Variants in RUNDC3B observed in about 807,000 individuals in gnomAD.
RUNDC3B encodes RUN domain-containing protein 3B.
A neutral mutation model predicts 58.4 loss-of-function variants in RUNDC3B; 33 were observed. That is an observed-to-expected ratio of 0.56 (90% CI 0.43 to 0.75). The LOEUF is 0.75. RUNDC3B is among the 30% of genes least tolerant of loss of function. RUNDC3B has a pLI of 0.00. For missense variants in RUNDC3B, 501 were observed against 535.7 expected (o/e 0.94, Z 0.64); for synonymous variants, 193 against 195.2 (o/e 0.99, Z 0.10).
Position 87,703,914 on chromosome 7 carries a change from G to GTTTTTTTTTTTTTTTTTTTTT in RUNDC3B, c.372+3366_372+3386dup, listed in dbSNP as rs35797972. ...TTTTTTTTTTTTTTTTTTTTTTTTG[G>GTTTTTTTTTTTTTTTTTTTTT]TTTTTTTTTTTTTTTTTTTTTTTTT... On this transcript the variant is annotated intron_variant, in intron 3 of 10. Transcript: ENST00000394654. Among the ~76,000 whole-genome samples, 43 of 42,978 alleles carry GTTTTTTTTTTTTTTTTTTTTT rather than the reference G, an allele frequency of 1.0e-3. 1 individual carries two copies. The highest frequency in any genetic ancestry group is 1.6e-3 in the Admixed American group (4 of 2,580). 28.2% of individuals were successfully genotyped at this position (42,978 alleles called of 152,430 possible). A position where few individuals can be genotyped will look rare whatever the true frequency, so the allele number is the denominator to read the frequency against.
chr7:87,792,025 A>AT (rs1261483556), intron 8 of RUNDC3B, among the ~76,000 whole-genome samples: 1 of 152,110 alleles, frequency 6.6e-6, no homozygotes, highest in Non-Finnish European at 1.5e-5. Flanking sequence ...ATGGAAAGAG[A>AT]TAGTCCAAGC....
intron 8 of RUNDC3B, among the ~76,000 whole-genome samples, chr7:87,792,591 G>T (rs1000214709): frequency 1.3e-5 from 2 of 151,862 alleles, no homozygotes; most frequent in African/African-American, 2.4e-5. Context: ...CATGGAAATT[G>T]ATATACTCCT....
intron 10 of RUNDC3B, among the ~76,000 whole-genome samples, chr7:87,828,155 A>C (rs1210489925): frequency 6.6e-6 from 1 of 151,902 alleles, no homozygotes; most frequent in East Asian, 1.9e-4. Context: ...GGGAAATATA[A>C]GCTGAAATTA....
chr7:87,815,158 C>A (rs1179397787), intron 9 of RUNDC3B, among the ~76,000 whole-genome samples: 1 of 151,964 alleles, frequency 6.6e-6, no homozygotes, highest in Admixed American at 6.6e-5. Context: ...GCATTCAAAT[C>A]ACATTTAATA....
chr7:87,738,025 G>A (rs548846863), intron 4 of RUNDC3B, among the ~76,000 whole-genome samples: 1 of 152,156 alleles, frequency 6.6e-6, no homozygotes, highest in East Asian at 1.9e-4. Flanking sequence ...ATAGTTTTGA[G>A]CTGATTTTTA....
At chr7:87,757,953 G>C (rs1020418269) in intron 6 of RUNDC3B, among the ~76,000 whole-genome samples, 4 of 152,162 alleles carry the variant, frequency 2.6e-5, no homozygotes, top group African/African-American at 9.7e-5. Flanking sequence ...ATATTCGTAT[G>C]CAAAAGGATG....
At chr7:87,728,737 A>G (rs745711209) in intron 4 of RUNDC3B, among the ~76,000 whole-genome samples, 13 of 152,176 alleles carry the variant, frequency 8.5e-5, no homozygotes, top group South Asian at 6.2e-4. Context: ...TAGCATATTT[A>G]CAAGTCAGGG....
chr7:87,675,854 A>T (rs1585070472), intron 2 of RUNDC3B, among the ~76,000 whole-genome samples: 1 of 152,164 alleles, frequency 6.6e-6, no homozygotes, highest in Admixed American at 6.5e-5. Context: ...CTTGGCAAAG[A>T]TATTTTTGGA....
intron 1 of RUNDC3B, chr7:87,629,156 T>TACCTTCA: frequency 4.8e-6 from 2 of 414,702 alleles, no homozygotes; most frequent in Non-Finnish European, 8.4e-6. Flanking sequence ...TCAGTTCCAG[T>TACCTTCA]GCTGAAGGTA....
At position 87,683,099 on chromosome 7, in the gene RUNDC3B, T is replaced by G. The variant is rs187329344; in HGVS notation, c.239-17322T>G. Among the ~76,000 whole-genome samples, 307 of 152,318 alleles carry G rather than the reference T, an allele frequency of 2.0e-3. 1 individual carries two copies. Among genetic ancestry groups the G allele is most frequent in the African/African-American group, 6.5e-3 (271 of 41,568 alleles). On this transcript the variant is annotated intron_variant, in intron 2 of 10. Transcript: ENST00000394654. The stretch of plus-strand genomic sequence containing the variant: ...TACAGAGATGGCTTTTTTCTGAAAC[T>G]TCATGAACCAACCTCTGCTAGCTTC...
At chr7:87,772,380 G>A (rs1216027861) in intron 7 of RUNDC3B, among the ~76,000 whole-genome samples, 1 of 151,804 alleles carries the variant, frequency 6.6e-6, no homozygotes, top group African/African-American at 2.4e-5. Context: ...AGTCAGAGAT[G>A]CACAGTAGAA....
intron 2 of RUNDC3B, among the ~76,000 whole-genome samples, chr7:87,657,382 G>T (rs371351065): frequency 6.6e-6 from 1 of 152,078 alleles, no homozygotes; most frequent in Non-Finnish European, 1.5e-5. Flanking sequence ...CTTTTCAGCC[G>T]TATCTGCTCT....
chr7:87,691,391 A>G (rs1828000532), intron 2 of RUNDC3B, among the ~76,000 whole-genome samples: 2 of 152,146 alleles, frequency 1.3e-5, no homozygotes, highest in Admixed American at 1.3e-4. Flanking sequence ...ACTATATGGT[A>G]TAATTATACT....
At chr7:87,730,358 G>T (rs1364558582) in intron 4 of RUNDC3B, among the ~76,000 whole-genome samples, 1 of 152,086 alleles carries the variant, frequency 6.6e-6, no homozygotes, top group Non-Finnish European at 1.5e-5. Context: ...CTGCTGACCT[G>T]AAGAGAGAGA....
At chr7:87,663,916 A>G (rs1824963642) in intron 2 of RUNDC3B, among the ~76,000 whole-genome samples, 1 of 152,248 alleles carries the variant, frequency 6.6e-6, no homozygotes, top group African/African-American at 2.4e-5. Context: ...GACTCTTTGT[A>G]TGATCCTACT....
intron 1 of RUNDC3B, among the ~76,000 whole-genome samples, chr7:87,631,539 C>T (rs1821222202): frequency 6.6e-6 from 1 of 152,122 alleles, no homozygotes; most frequent in South Asian, 2.1e-4. Context: ...TACAGGCGCC[C>T]GCCACCACGC....
chr7:87,803,852 A>G (rs1035628347), intron 8 of RUNDC3B, among the ~76,000 whole-genome samples: 5 of 152,170 alleles, frequency 3.3e-5, no homozygotes, highest in African/African-American at 7.2e-5. Flanking sequence ...ATGAGGTGGT[A>G]TATGGGAAAT....
intron 8 of RUNDC3B, among the ~76,000 whole-genome samples, chr7:87,794,777 TA>T (rs1835725890): frequency 6.6e-6 from 1 of 152,102 alleles, no homozygotes; most frequent in Non-Finnish European, 1.5e-5. Context: ...GTATTGACAT[TA>T]AAAAAGTGTA....
chr7:87,773,910 T>C (rs1834465245), intron 7 of RUNDC3B, among the ~76,000 whole-genome samples: 1 of 152,082 alleles, frequency 6.6e-6, no homozygotes, highest in South Asian at 2.1e-4. Context: ...ACTCCTGACC[T>C]CAAGTGATCT....
Sources: allele counts gnomAD v4.1 joint callset (sites outside exome capture counted in the v4.1 genomes callset), GRCh38; gene constraint gnomAD v4.1.1; transcripts MANE v1.5; gene names NCBI Gene and HGNC (gene_info 2026-07-23, HGNC 2026-07-21).